RIC1: variants seen among roughly 807,000 people sequenced by gnomAD.
The protein encoded by RIC1 is RIC1 partner of RAB6A GEF complex.
A neutral mutation model predicts 169.0 loss-of-function variants in RIC1; 88 were observed. That is an observed-to-expected ratio of 0.52 (90% CI 0.44 to 0.62). The LOEUF (loss-of-function observed/expected upper bound fraction) is 0.62. RIC1 is among the 20% of genes least tolerant of loss of function. RIC1 has a pLI of 0.00. For synonymous variants in RIC1, 790 were observed against 601.5 expected, an observed-to-expected ratio of 1.31 and a Z score of -4.59; for missense variants, 1,877 against 1,725.5, an observed-to-expected ratio of 1.09 and a Z score of -1.56.
At chr9:5,707,035 C>T (rs1336582956) in intron 3 of RIC1, among the ~76,000 whole-genome samples, 1 of 151,996 alleles carries the variant, frequency 6.6e-6, no homozygotes, top group Non-Finnish European at 1.5e-5. Flanking sequence ...GGCATTTTAC[C>T]TATAAATTTC....
chr9:5,636,361 C>T (rs762317490), intron 1 of RIC1, among the ~76,000 whole-genome samples: 24 of 152,180 alleles, frequency 1.6e-4, no homozygotes, highest in South Asian at 1.5e-3. Context: ...CTCTTGTCAC[C>T]GAGGCTGGAG....
chr9:5,632,404 G>C (rs1434545573), intron 1 of RIC1, among the ~76,000 whole-genome samples: 2 of 152,058 alleles, frequency 1.3e-5, no homozygotes, highest in Non-Finnish European at 2.9e-5. Context: ...TATACCTACT[G>C]TCCTCTATTC....
Position 5,763,015 on chromosome 9 carries a change from C to G in RIC1, c.2113-125C>G, listed in dbSNP as rs1375024317. ...TTATTAACTCTAATTCTAATTAGAT[C>G]CCTTTGCTTTTCCCAAAAAAATATT... On this transcript the variant is annotated intron_variant, in intron 18 of 25. Transcript: ENST00000414202. This position sits in a 1 kb window ranked among gnomAD's most constrained non-coding sequence, Gnocchi z 5.2. The G allele has an allele frequency of 9.0e-7, 1 of 1,110,538 alleles. No homozygotes were observed. The highest frequency in any genetic ancestry group is 1.6e-5 in the African/African-American group (1 of 63,108). 68.8% of individuals were successfully genotyped at this position (1,110,538 alleles called of 1,614,324 possible).
At chr9:5,759,772 A>C (rs578152213) in intron 17 of RIC1, among the ~76,000 whole-genome samples, 1 of 152,316 alleles carries the variant, frequency 6.6e-6, no homozygotes, top group Admixed American at 6.5e-5. Flanking sequence ...TATTCTGACA[A>C]AACTGAAAAA....
intron 1 of RIC1, among the ~76,000 whole-genome samples, chr9:5,654,337 C>T (rs1457366564): frequency 6.6e-6 from 1 of 152,092 alleles, no homozygotes; most frequent in Non-Finnish European, 1.5e-5. Flanking sequence ...GCCTCTGCCT[C>T]CCGGGTTCAA....
intron 2 of RIC1, among the ~76,000 whole-genome samples, chr9:5,656,956 T>G (rs1471980538): frequency 1.3e-5 from 2 of 152,182 alleles, no homozygotes; most frequent in African/African-American, 4.8e-5. Context: ...CTTTACTGTT[T>G]TGCCCTTGAA....
At chr9:5,651,357 GT>G (rs201373436) in intron 1 of RIC1, among the ~76,000 whole-genome samples, 4 of 148,152 alleles carry the variant, frequency 2.7e-5, no homozygotes, top group East Asian at 2.0e-4. Context: ...CCCTGTTTGG[GT>G]TTTTTTTTTG....
At chr9:5,656,337 C>T (rs190269374) in intron 1 of RIC1, among the ~76,000 whole-genome samples, 1 of 152,132 alleles carries the variant, frequency 6.6e-6, no homozygotes, top group East Asian at 1.9e-4. Flanking sequence ...CACATTTAGT[C>T]CTGGTTCTTT....
chr9:5,685,406 T>C (rs1479952400), intron 2 of RIC1, among the ~76,000 whole-genome samples: 2 of 151,354 alleles, frequency 1.3e-5, no homozygotes, highest in African/African-American at 4.9e-5. Context: ...CAAAACAGCA[T>C]GGTACTGGTA....
intron 4 of RIC1, among the ~76,000 whole-genome samples, chr9:5,715,001 A>G (rs1478819595): frequency 2.6e-5 from 4 of 152,218 alleles, no homozygotes; most frequent in African/African-American, 7.2e-5. Context: ...ATACTGAAAC[A>G]TTAAAACTAT....
Position 5,721,260 on chromosome 9 carries a change from A to C in RIC1, c.720+510A>C, listed in dbSNP as rs536988052. 9.8e-5 allele frequency among the ~76,000 whole-genome samples: 15 copies of C among 152,328 alleles called. No homozygotes were observed. In the South Asian group the frequency reaches 2.9e-3, roughly 29 times the overall value. On this transcript the variant is annotated intron_variant, in intron 6 of 25. Coordinates refer to ENST00000414202, the MANE Select transcript of RIC1 (RefSeq NM_020829.4). ...CCGAAACCATGTGGTACTGACGCAG[A>C]AGTTTTTGCTCCTTAGTTTAGCTAA...
rs918478627 is a variant in RIC1, at chr9:5,629,127, G to C, written c.-183G>C. 2.3e-5 allele frequency: 10 copies of C among 426,716 alleles called. No homozygotes were observed. Among genetic ancestry groups the C allele is most frequent in the Admixed American group, 4.7e-5 (1 of 21,164 alleles). 26.4% of individuals were successfully genotyped at this position (426,716 alleles called of 1,614,324 possible). On this transcript the variant is annotated 5_prime_UTR_variant, in exon 1 of 26. Transcript: ENST00000414202. ...CCCCCACACTCGGCCCCGTCAGCTT[G>C]GGGGTGCCTTCGTCGCGCAGCCTTG...
intron 1 of RIC1, among the ~76,000 whole-genome samples, chr9:5,638,491 G>A (rs1426022096): frequency 6.6e-6 from 1 of 152,160 alleles, no homozygotes; most frequent in Non-Finnish European, 1.5e-5. Context: ...TTTACTGGGA[G>A]ACTTTTTATT....
Position 5,769,247 on chromosome 9 carries a change from T to C in RIC1, c.3415T>C (p.Tyr1139His). Residue 1139 changes from tyrosine to histidine, a missense_variant, in exon 22 of 26, where the codon TAC (tyrosine) becomes CAC (histidine). Physicochemically the swap from Tyr to His is moderately conservative, Grantham distance 83 (BLOSUM62 2). Around this residue, in one of 3 missense-constraint regions of RIC1, gnomAD observed 681 missense variants for 582.0 expected, o/e 1.17. Coordinates refer to ENST00000414202, the MANE Select transcript of RIC1 (RefSeq NM_020829.4). ...CAGTTCTCCTTTCAAAAATGGAAAA[T>C]ACCGAACTGGTAATGTAGACTTCAT... ...SISSPFKNGK[Y>H]RTVGEQLLKS... The C allele has an allele frequency of 3.1e-6, 5 of 1,614,108 alleles. No homozygotes were observed. In the Admixed American group the frequency reaches 5.0e-5, roughly 16 times the overall value.
intron 1 of RIC1, among the ~76,000 whole-genome samples, chr9:5,639,073 G>C (rs563772100): frequency 2.0e-5 from 3 of 152,112 alleles, no homozygotes; most frequent in African/African-American, 7.2e-5. Flanking sequence ...ATGCCACCGT[G>C]CCCAGCTAAT....
intron 2 of RIC1, among the ~76,000 whole-genome samples, chr9:5,664,864 C>G (rs955457609): frequency 6.6e-6 from 1 of 152,180 alleles, no homozygotes; most frequent in Non-Finnish European, 1.5e-5. Context: ...AGATAGTCTT[C>G]AAGCTCTGAG....
At chr9:5,734,279 G>C (rs768011833) in intron 7 of RIC1, among the ~76,000 whole-genome samples, 1 of 151,518 alleles carries the variant, frequency 6.6e-6, no homozygotes, top group Non-Finnish European at 1.5e-5. Flanking sequence ...GCTAATTTTT[G>C]TATTTTTAGT....
chr9:5,702,170 G>A (rs1000832211), intron 3 of RIC1, among the ~76,000 whole-genome samples: 1 of 152,176 alleles, frequency 6.6e-6, no homozygotes, highest in Non-Finnish European at 1.5e-5. Flanking sequence ...TACTCTAAAG[G>A]AGCTACAGAT....
intron 2 of RIC1, among the ~76,000 whole-genome samples, chr9:5,676,794 GTC>G (rs1209172750): frequency 6.6e-6 from 1 of 152,114 alleles, no homozygotes; most frequent in African/African-American, 2.4e-5. Flanking sequence ...TATAAATTAA[GTC>G]ATACACTGTA....
Sources: gnomAD v4.1 joint callset for allele counts (sites outside exome capture counted in the v4.1 genomes callset) on GRCh38, gnomAD v4.1.1 for gene constraint, gnomAD v4.1.1 regional missense constraint, Gnocchi (gnomAD v3.1) non-coding constraint, MANE v1.5 for transcripts, NCBI Gene and HGNC (gene_info 2026-07-23, HGNC 2026-07-21) for gene names.